DOC2B: variants seen among roughly 807,000 people sequenced by gnomAD.
DOC2B encodes the protein double C2-like domain-containing protein beta.
Under a neutral mutation model 28.9 loss-of-function variants are expected in DOC2B, and 21 were observed. That is an observed-to-expected ratio of 0.73 (90% confidence interval 0.52 to 1.05). The LOEUF is 1.05. Ranked by LOEUF, DOC2B falls within the 50% of genes least tolerant of loss-of-function variation. The pLI, the probability that DOC2B is intolerant of heterozygous loss-of-function variation, is 0.00. For synonymous variants in DOC2B, 194 were observed against 178.1 expected, an observed-to-expected ratio of 1.09 and a Z score of -0.71; for missense variants, 384 against 421.1, an observed-to-expected ratio of 0.91 and a Z score of 0.77.
At chr17:180,216 C>A (rs2151479072) in intron 1 of DOC2B, among the ~76,000 whole-genome samples, 1 of 152,382 alleles carries the variant, frequency 6.6e-6, no homozygotes, top group Non-Finnish European at 1.5e-5. Flanking sequence ...CGCAAACCGA[C>A]TCCTCACTGG....
intron 1 of DOC2B, among the ~76,000 whole-genome samples, chr17:179,750 G>C (rs547600806): frequency 6.7e-6 from 1 of 148,256 alleles, no homozygotes; most frequent in African/African-American, 2.5e-5. Flanking sequence ...CAGGAAAGTG[G>C]AGGGACAAGA....
chr17:155,656 C>A (rs981675400), intron 6 of DOC2B, among the ~76,000 whole-genome samples: 2 of 152,234 alleles, frequency 1.3e-5, no homozygotes, highest in Non-Finnish European at 2.9e-5. Flanking sequence ...CTCAGAGCTA[C>A]ACAGCCTCTC....
chr17:173,968 C>T (rs922561964), intron 1 of DOC2B, among the ~76,000 whole-genome samples: 8 of 152,208 alleles, frequency 5.3e-5, no homozygotes, highest in South Asian at 2.1e-4. Flanking sequence ...GCAGACCCTA[C>T]GGCCTGCACA....
chr17:158,993 G>A lies in DOC2B; in HGVS notation c.765+2422C>T, dbSNP rs146457425. Among the ~76,000 whole-genome samples the A allele has an allele frequency of 1.1e-3, 163 of 146,716 alleles. 1 individual carries two copies. Among genetic ancestry groups the A allele is most frequent in the African/African-American group, 3.8e-3 (152 of 39,604 alleles). On this transcript the variant is annotated intron_variant, in intron 5 of 8. Transcript: ENST00000613549. ...CGGGAGGCGGAGGTTGAAGTAAGCCGACATTGCGCCACTGCACTCCAGCCT... is the reference window on the plus strand; with the variant it reads ...CGGGAGGCGGAGGTTGAAGTAAGCCAACATTGCGCCACTGCACTCCAGCCT...
rs1274495890 is a variant in DOC2B at position 143,973 on chromosome 17, G to A, written c.*3468C>T. On this transcript the variant is annotated 3_prime_UTR_variant, in exon 9 of 9. Transcript: ENST00000613549. The stretch of plus-strand genomic sequence containing the variant: ...GGCATGCACGGCCCGGGCTCGGCGG[G>A]CGGACGGGCCGGGGCGCAGTTCCCC... The A allele has an allele frequency of 6.6e-6, 1 of 152,382 alleles. No homozygotes were observed. The highest frequency in any genetic ancestry group is 1.5e-5 in the Non-Finnish European group (1 of 67,934). The allele number at this position is 152,382 out of a possible 1,614,324, so 9.4% of individuals were successfully genotyped here.
chr17:174,337 G>A (rs1423366545), intron 1 of DOC2B, among the ~76,000 whole-genome samples: 2 of 152,194 alleles, frequency 1.3e-5, no homozygotes, highest in African/African-American at 4.8e-5. Context: ...TGGAGACAAC[G>A]ATAGTATCCA....
intron 1 of DOC2B, among the ~76,000 whole-genome samples, chr17:173,120 C>T (rs1018135816): frequency 1.2e-4 from 18 of 152,198 alleles, no homozygotes; most frequent in East Asian, 1.9e-4. Flanking sequence ...CTCTCTGGCC[C>T]GTTGGGAACC....
chr17:156,058 C>T, intron 6 of DOC2B, 162 bp downstream of exon 6: 2 of 750,254 alleles, frequency 2.7e-6, no homozygotes, highest in Admixed American at 3.2e-5. Flanking sequence ...GCTGGCCATG[C>T]TTAACCCCTG....
chr17:181,128 C>A lies in DOC2B; in HGVS notation c.352G>T (p.Gly118Cys). 8.0e-7 allele frequency: 1 copy of A among 1,252,694 alleles called. No homozygotes were observed. Among genetic ancestry groups the A allele is most frequent in the Non-Finnish European group, 1.0e-6 (1 of 998,912 alleles). 77.6% of individuals were successfully genotyped at this position (1,252,694 alleles called of 1,614,324 possible). The part of the protein sequence containing the change: ...KPPEDEPDAD[G>C]YESDDCTALG... ...TTACTGCAGTCGTCCGACTCGTAGC[C>A]GTCGGCGTCCGGCTCGTCCTCCGGC... Residue 118 changes from glycine (G) to cysteine (C), a missense_variant, in exon 1 of 9, where the codon GGC becomes TGC. Transcript: ENST00000613549. This position sits in a 1 kb window ranked among gnomAD's most constrained non-coding sequence, Gnocchi z 7.0.
intron 1 of DOC2B, among the ~76,000 whole-genome samples, chr17:175,392 G>A (rs150058621): frequency 6.6e-4 from 100 of 151,762 alleles, no homozygotes; most frequent in African/African-American, 2.3e-3. Context: ...GAAGGGAGGT[G>A]TATCCCACTG....
chr17:150,156 G>A (rs2040056564), intron 6 of DOC2B, among the ~76,000 whole-genome samples: 1 of 152,198 alleles, frequency 6.6e-6, no homozygotes. Flanking sequence ...CTATGACAGG[G>A]AGGTCATGTG....
At chr17:163,784 A>G in intron 3 of DOC2B, 1 of 259,174 alleles carries the variant, frequency 3.9e-6, no homozygotes, top group Non-Finnish European at 7.5e-6. Flanking sequence ...ATGTTATTTA[A>G]CCACAGAGTC....
intron 1 of DOC2B, among the ~76,000 whole-genome samples, chr17:176,821 T>C (rs2040375470): frequency 1.3e-5 from 2 of 152,184 alleles, no homozygotes; most frequent in Admixed American, 1.3e-4. Flanking sequence ...GGTTGGTCAC[T>C]AATGGGCCTT....
chr17:165,589 G>T (rs1323869957), intron 2 of DOC2B, among the ~76,000 whole-genome samples: 2 of 152,162 alleles, frequency 1.3e-5, no homozygotes, highest in African/African-American at 4.8e-5. Context: ...TGGCAGGCAG[G>T]GTTTGCTCCC....
At chr17:161,685 G>C (rs1296402650) in intron 4 of DOC2B, 144 bp from the exon 5 acceptor site, 2 of 1,382,624 alleles carry the variant, frequency 1.4e-6, no homozygotes, top group Non-Finnish European at 9.8e-7. Flanking sequence ...AGATGCCTGG[G>C]CCCTGACAGG....
At chr17:149,533 C>A (rs1257336438) in intron 6 of DOC2B, among the ~76,000 whole-genome samples, 1 of 152,102 alleles carries the variant, frequency 6.6e-6, no homozygotes, top group African/African-American at 2.4e-5. Context: ...GAGTTTTTAG[C>A]AGAGTTGGTC....
chr17:176,264 G>A (rs2040368818), intron 1 of DOC2B, among the ~76,000 whole-genome samples: 1 of 151,834 alleles, frequency 6.6e-6, no homozygotes, highest in Non-Finnish European at 1.5e-5. Context: ...TGCGATCACA[G>A]TTCAGCCTCC....
At chr17:170,721 G>C (rs1489865915) in intron 2 of DOC2B, among the ~76,000 whole-genome samples, 1 of 152,180 alleles carries the variant, frequency 6.6e-6, no homozygotes, top group Non-Finnish European at 1.5e-5. Context: ...ACATGGAGCT[G>C]ACACATGCTT....
chr17:179,190 C>A (rs1243286450), intron 1 of DOC2B, among the ~76,000 whole-genome samples: 1 of 152,220 alleles, frequency 6.6e-6, no homozygotes, highest in Non-Finnish European at 1.5e-5. Flanking sequence ...ACAGTTCAAG[C>A]TGGCAAAGCT....
Sources: allele counts gnomAD v4.1 joint callset (sites outside exome capture counted in the v4.1 genomes callset), GRCh38; gene constraint gnomAD v4.1.1; non-coding constraint Gnocchi (gnomAD v3.1); transcripts MANE v1.5; gene names NCBI Gene and HGNC (gene_info 2026-07-23, HGNC 2026-07-21).